The following LRP1B variants were observed in gnomAD, a reference collection of about 807,000 sequenced individuals.
LRP1B encodes the protein low-density lipoprotein receptor-related protein 1B.
A neutral mutation model predicts 556.6 loss-of-function variants in LRP1B; 217 were observed. The observed-to-expected ratio is 0.39, with a 90% CI of 0.35 to 0.44. The LOEUF is 0.44. Ranked by LOEUF, LRP1B falls within the 20% of genes least tolerant of loss-of-function variation. The probability of loss-of-function intolerance (pLI) is 1.00; values close to 1 mark genes in which losing one functional copy is unlikely to be tolerated. For synonymous variants in LRP1B, 2,047 were observed against 1,865.8 expected, an observed-to-expected ratio of 1.10 and a Z score of -2.50; for missense variants, 5,053 against 5,620.8, an observed-to-expected ratio of 0.90 and a Z score of 3.23.
chr2:140,982,723 A>G (rs758927545), intron 17 of LRP1B, among the ~76,000 whole-genome samples: 45 of 152,294 alleles, frequency 3.0e-4, no homozygotes, highest in Admixed American at 6.5e-4. Context: ...CAGGATATCT[A>G]GTTTCTAATC....
intron 2 of LRP1B, among the ~76,000 whole-genome samples, chr2:141,661,077 C>T (rs1207231533): frequency 2.6e-5 from 4 of 151,986 alleles, no homozygotes; most frequent in South Asian, 2.1e-4. Flanking sequence ...TGCAGCAGCC[C>T]GATGGAAGAG....
intron 41 of LRP1B, among the ~76,000 whole-genome samples, chr2:140,685,920 G>A (rs150353701): frequency 1.3e-5 from 2 of 152,218 alleles, no homozygotes; most frequent in African/African-American, 4.8e-5. Context: ...AAGTGATAAA[G>A]ATATTCAGCA....
intron 1 of LRP1B, among the ~76,000 whole-genome samples, chr2:142,050,563 C>T (rs1704419588): frequency 1.3e-5 from 2 of 152,124 alleles, no homozygotes; most frequent in South Asian, 4.1e-4. Context: ...TCCCTCTGTG[C>T]CAATATAAAA....
At chr2:142,065,575 A>G (rs1213704731) in intron 1 of LRP1B, among the ~76,000 whole-genome samples, 1 of 151,450 alleles carries the variant, frequency 6.6e-6, no homozygotes, top group East Asian at 1.9e-4. Flanking sequence ...CTAATTAGCA[A>G]ACATAATTCC....
chr2:141,073,768 C>T (rs912238128), intron 7 of LRP1B, among the ~76,000 whole-genome samples: 2 of 152,040 alleles, frequency 1.3e-5, no homozygotes, highest in African/African-American at 4.8e-5. Context: ...AGGCATTCAT[C>T]CTTCATACCT....
intron 6 of LRP1B, among the ~76,000 whole-genome samples, chr2:141,200,843 T>A (rs1277475357): frequency 6.6e-6 from 1 of 152,196 alleles, no homozygotes; most frequent in Non-Finnish European, 1.5e-5. Context: ...TAGCCCATAG[T>A]AAGTGTTCCG....
At chr2:141,192,673 A>T (rs979189476) in intron 6 of LRP1B, among the ~76,000 whole-genome samples, 14 of 151,782 alleles carry the variant, frequency 9.2e-5, no homozygotes, top group African/African-American at 3.4e-4. Context: ...ATTACTTAAC[A>T]TTCCTTAATT....
At position 140,289,076 on chromosome 2, in the gene LRP1B, A is replaced by T. The variant is rs1683272325; in HGVS notation, c.12967+8732T>A. Among the ~76,000 whole-genome samples the T allele has an allele frequency of 2.0e-5, 3 of 151,912 alleles. 1 individual carries two copies. Among genetic ancestry groups the T allele is most frequent in the South Asian group, 4.1e-4 (2 of 4,828 alleles). On this transcript the variant is annotated intron_variant, in intron 84 of 90. Coordinates refer to ENST00000389484, the MANE Select transcript of LRP1B (RefSeq NM_018557.3). ...ACAAGAGTAATTAAGCATTCTTAAA[A>T]TTTTTTTATTCAGTAGTGCTCACCA... is the stretch of plus-strand genomic sequence containing the variant.
intron 3 of LRP1B, among the ~76,000 whole-genome samples, chr2:141,334,870 T>A (rs546329975): frequency 3.9e-5 from 6 of 152,246 alleles, no homozygotes; most frequent in African/African-American, 9.6e-5. Context: ...AATATTTTTT[T>A]AAAAAGACAG....
At chr2:141,256,212 G>C (rs754613529) in intron 3 of LRP1B, among the ~76,000 whole-genome samples, 1 of 151,958 alleles carries the variant, frequency 6.6e-6, no homozygotes, top group Non-Finnish European at 1.5e-5. Context: ...TTTGAGTTGG[G>C]ACTTAAAAGT....
chr2:141,333,527 G>C (rs901834917), intron 3 of LRP1B, among the ~76,000 whole-genome samples: 3 of 152,090 alleles, frequency 2.0e-5, no homozygotes, highest in Non-Finnish European at 4.4e-5. Flanking sequence ...TCCAAGTCCT[G>C]ATAACAGTAA....
At chr2:141,080,917 C>G (rs946158925) in intron 7 of LRP1B, among the ~76,000 whole-genome samples, 8 of 152,338 alleles carry the variant, frequency 5.3e-5, no homozygotes, top group African/African-American at 1.9e-4. Context: ...CTTTCTCCAG[C>G]ATACCCACCT....
At chr2:141,486,814 T>G (rs74269522) in intron 2 of LRP1B, among the ~76,000 whole-genome samples, 3 of 134,328 alleles carry the variant, frequency 2.2e-5, no homozygotes, top group Non-Finnish European at 4.9e-5. Context: ...ACTGAAAAAA[T>G]TTACTTTTAA....
At chr2:140,826,999 C>A (rs901792366) in intron 31 of LRP1B, among the ~76,000 whole-genome samples, 2 of 152,112 alleles carry the variant, frequency 1.3e-5, no homozygotes, top group East Asian at 3.9e-4. Flanking sequence ...TCGTTAGGAA[C>A]CCCACTCCAA....
At chr2:141,409,673 C>T (rs1690777284) in intron 3 of LRP1B, among the ~76,000 whole-genome samples, 3 of 152,034 alleles carry the variant, frequency 2.0e-5, no homozygotes, top group Admixed American at 2.0e-4. Flanking sequence ...GAACTTACAT[C>T]CTACAAGTCA....
At chr2:141,286,762 TTGTACTTGTACATTGTACAAG>T (rs1167525458) in intron 3 of LRP1B, 1 of 440,358 alleles carries the variant, frequency 2.3e-6, no homozygotes, top group African/African-American at 2.0e-5. Context: ...CATTGTACAT[TTGTACTTGTACATTGTACAAG>T]TGTATAAACT....
intron 84 of LRP1B, among the ~76,000 whole-genome samples, chr2:140,294,648 G>T (rs1683528198): frequency 1.3e-5 from 2 of 152,132 alleles, no homozygotes; most frequent in South Asian, 4.1e-4. Context: ...ATAAAGGAGA[G>T]GCTGCAGACC....
In LRP1B at chr2:141,490,370, C is replaced by CAT. The variant is rs1553520853; in HGVS notation, c.206-9838_206-9837insAT. Among the ~76,000 whole-genome samples the CAT allele has an allele frequency of 9.1e-5, 11 of 121,306 alleles. No individual in the cohort carries two copies. The South Asian group carries it at 1.4e-3, about 15-fold the overall frequency. The allele number at this position is 121,306 out of a possible 152,430, so 79.6% of individuals were successfully genotyped here. A position where few individuals can be genotyped will look rare whatever the true frequency, so the allele number is the denominator to read the frequency against. On this transcript the variant is annotated intron_variant, in intron 2 of 90. Coordinates refer to ENST00000389484, the MANE Select transcript of LRP1B (RefSeq NM_018557.3). ...AAATATTGTCATGTTAAAATAGCCT[C>CAT]GTGTGTGTGTGTGTGTGTGTGTGTG... is the stretch of plus-strand genomic sequence containing the variant.
intron 1 of LRP1B, among the ~76,000 whole-genome samples, chr2:141,914,284 C>T (rs1699977337): frequency 6.6e-6 from 1 of 151,926 alleles, no homozygotes; most frequent in Non-Finnish European, 1.5e-5. Flanking sequence ...AAGTGATTGG[C>T]AACAAAAAGC....
Sources: gnomAD v4.1 joint callset for allele counts (sites outside exome capture counted in the v4.1 genomes callset) on GRCh38, gnomAD v4.1.1 for gene constraint, MANE v1.5 for transcripts, NCBI Gene and HGNC (gene_info 2026-07-23, HGNC 2026-07-21) for gene names.